The following PLA2G2D variants were observed in gnomAD, a reference collection of about 807,000 sequenced individuals.
The protein encoded by PLA2G2D is group IID secretory phospholipase A2.
PLA2G2D carries 17 observed loss-of-function variants against 13.9 expected under a neutral mutation model. The observed-to-expected ratio is 1.23, with a 90% CI of 0.84 to 1.84. The LOEUF is 1.84. Among genes scored for constraint, PLA2G2D ranks in the 40% most tolerant of loss-of-function variants. PLA2G2D has a pLI of 0.00. For synonymous variants in PLA2G2D, 83 were observed against 69.3 expected (o/e 1.20, Z -0.98); for missense variants, 194 against 178.7 (o/e 1.09, Z -0.49).
At chr1:20,114,633 C>G (rs974379446) in intron 3 of PLA2G2D, among the ~76,000 whole-genome samples, 3 of 151,980 alleles carry the variant, frequency 2.0e-5, no homozygotes, top group African/African-American at 2.4e-5. Context: ...GGTGGAAGAG[C>G]CTTTTGAGCT....
rs770428164 is a variant in PLA2G2D at position 20,116,485 on chromosome 1, G to A, written c.41-8C>T. 3.1e-6 allele frequency: 5 copies of A among 1,614,120 alleles called. No homozygotes were observed. Among genetic ancestry groups the A allele is most frequent in the Non-Finnish European group, 4.2e-6 (5 of 1,179,992 alleles). On this transcript the variant is annotated splice_region_variant and splice_polypyrimidine_tract_variant and intron_variant, in intron 1 of 3. Transcript: ENST00000375105. Reference sequence around the variant, plus strand: ...CCTGGATTGGAATCACACCTGCCAAGCAGCCCAGCAACCAGGAGAGAAGAG... The same window carrying A: ...CCTGGATTGGAATCACACCTGCCAAACAGCCCAGCAACCAGGAGAGAAGAG...
At chr1:20,117,561 A>G (rs1056221974) in intron 1 of PLA2G2D, among the ~76,000 whole-genome samples, 2 of 152,206 alleles carry the variant, frequency 1.3e-5, no homozygotes, top group African/African-American at 2.4e-5. Flanking sequence ...GGAATGCATT[A>G]TGTTGAGTTA....
At chr1:20,117,378 C>CCTTCT (rs1266980025) in intron 1 of PLA2G2D, among the ~76,000 whole-genome samples, 1 of 152,018 alleles carries the variant, frequency 6.6e-6, no homozygotes, top group Non-Finnish European at 1.5e-5. Flanking sequence ...CCCAAGTCAC[C>CCTTCT]CTTCTTACCT....
chr1:20,115,484 T>A, intron 3 of PLA2G2D, 23 bp downstream of exon 3: 1 of 1,356,544 alleles, frequency 7.4e-7, no homozygotes. Context: ...CTCCAGCTCC[T>A]GCCCTGAGGT....
Position 20,113,369 on chromosome 1 carries a change from C to T in PLA2G2D, c.*745G>A, listed in dbSNP as rs1007114311. ...TGACCCTGAGGAGGTGGGGATCAGT[C>T]GTGATGAAAGTAATAGCCATTCAGT... On this transcript the variant is annotated 3_prime_UTR_variant, in exon 4 of 4. Coordinates refer to ENST00000375105, the MANE Select transcript of PLA2G2D (RefSeq NM_012400.4). 6 of 151,992 alleles carry T rather than the reference C, an allele frequency of 3.9e-5. No individual in the cohort carries two copies. Among genetic ancestry groups the T allele is most frequent in the East Asian group, 1.9e-4 (1 of 5,166 alleles). The allele number at this position is 151,992 out of a possible 1,614,324, so 9.4% of individuals were successfully genotyped here.
chr1:20,116,562 G>T, intron 1 of PLA2G2D, 85 bp from the exon 2 acceptor site: 2 of 1,261,278 alleles, frequency 1.6e-6, no homozygotes, highest in Non-Finnish European at 2.3e-6. Context: ...CCTCTGCTCT[G>T]CCCAGACCAA....
In PLA2G2D at chr1:20,114,318, G is replaced by GAGTCT. The variant is rs1370981583; in HGVS notation, c.293-64_293-60dup. On this transcript the variant is annotated intron_variant, in intron 3 of 3. Coordinates refer to ENST00000375105, the MANE Select transcript of PLA2G2D (RefSeq NM_012400.4). The stretch of plus-strand genomic sequence containing the variant: ...CCTTTTCCGAGACAGAGGCAGGTAT[G>GAGTCT]AGTCTAGCAGCCTCTGAAGTCAGTG... 4.6e-6 allele frequency: 7 copies of GAGTCT among 1,536,548 alleles called. No homozygotes were observed. In the African/African-American group the frequency reaches 6.8e-5, roughly 15 times the overall value.
At chr1:20,115,036 C>T (rs2016956382) in intron 3 of PLA2G2D, among the ~76,000 whole-genome samples, 1 of 152,132 alleles carries the variant, frequency 6.6e-6, no homozygotes, top group Admixed American at 6.5e-5. Context: ...CACTTCCCCA[C>T]TCTAGTTTTG....
chr1:20,117,713 G>A (rs2017017714), intron 1 of PLA2G2D, among the ~76,000 whole-genome samples: 1 of 152,100 alleles, frequency 6.6e-6, no homozygotes, highest in African/African-American at 2.4e-5. Flanking sequence ...ATGGAGCCCA[G>A]AGTCTCAGGG....
intron 1 of PLA2G2D, among the ~76,000 whole-genome samples, chr1:20,116,732 C>T (rs958761892): frequency 3.3e-5 from 5 of 152,062 alleles, no homozygotes; most frequent in African/African-American, 9.7e-5. Context: ...GGCATGATCT[C>T]GGGTTTGAGA....
intron 2 of PLA2G2D, 118 bp downstream of exon 2, chr1:20,116,215 A>G (rs1428899894): frequency 1.5e-5 from 16 of 1,064,864 alleles, no homozygotes; most frequent in Middle Eastern, 2.1e-4. Context: ...TATTTAGCAC[A>G]TAGTAGATGC....
At chr1:20,117,805 C>G (rs915855308) in intron 1 of PLA2G2D, among the ~76,000 whole-genome samples, 3 of 152,062 alleles carry the variant, frequency 2.0e-5, no homozygotes, top group Non-Finnish European at 4.4e-5. Flanking sequence ...GTCAATAGTA[C>G]ACAGTGGGTG....
At position 20,116,431 on chromosome 1, in the gene PLA2G2D, G is replaced by A. The variant is rs767778279; in HGVS notation, c.87C>T (p.Val29=). ...TGGGCATTTTCCCAGTCACTTGCTT[G>A]ACCATCTTGTTCAGGTTCAGGATCC... ...QGGILNLNKM[V]KQVTGKMPIL... Residue 29 remains valine, a synonymous_variant, in exon 2 of 4, where the codon GTC becomes GTT. Coordinates refer to ENST00000375105, the MANE Select transcript of PLA2G2D (RefSeq NM_012400.4). 3.7e-6 allele frequency: 6 copies of A among 1,613,986 alleles called. No individual in the cohort carries two copies. The East Asian group carries it at 8.9e-5, about 24-fold the overall frequency.
At position 20,113,981 on chromosome 1, in the gene PLA2G2D, T is replaced by G; in HGVS notation, c.*133A>C. 1 of 711,964 alleles carries G rather than the reference T, an allele frequency of 1.4e-6. No individual in the cohort carries two copies. The highest frequency in any genetic ancestry group is 2.3e-6 in the Non-Finnish European group (1 of 425,600). The allele number at this position is 711,964 out of a possible 1,614,324, so 44.1% of individuals were successfully genotyped here. A position where few individuals can be genotyped will look rare whatever the true frequency, so the allele number is the denominator to read the frequency against. ...AAAGCTTCAGAAGGTCAGAAGGCAT[T>G]GGTAGAGGGTTCCGGGGGAGGCTGG... On this transcript the variant is annotated 3_prime_UTR_variant, in exon 4 of 4. Coordinates refer to ENST00000375105, the MANE Select transcript of PLA2G2D (RefSeq NM_012400.4).
chr1:20,118,343 C>T (rs2017029012), intron 1 of PLA2G2D, among the ~76,000 whole-genome samples: 1 of 152,178 alleles, frequency 6.6e-6, no homozygotes, highest in African/African-American at 2.4e-5. Flanking sequence ...TTCGGGTGGT[C>T]TTACTTGCCA....
chr1:20,116,531 G>A (rs530333684), intron 1 of PLA2G2D, 54 bp from the exon 2 acceptor site: 119 of 1,582,468 alleles, frequency 7.5e-5, no homozygotes, highest in African/African-American at 9.4e-5. Context: ...TCAGGGCAGC[G>A]CCAATGGGCA....
rs1254895103 is a variant in PLA2G2D, at chr1:20,111,990, A to AG, written c.*2123dup. ...TTTATTTTATTTTATTTTTTGAGAC[A>AG]GAGTGTCACTCTGTTGCCCAGGCTG... On this transcript the variant is annotated 3_prime_UTR_variant, in exon 4 of 4. Transcript: ENST00000375105. 9.3e-6 allele frequency: 1 copy of AG among 107,488 alleles called. No individual in the cohort carries two copies. The highest frequency in any genetic ancestry group is 1.9e-5 in the Non-Finnish European group (1 of 51,408). The allele number at this position is 107,488 out of a possible 1,614,324, so 6.7% of individuals were successfully genotyped here.
chr1:20,113,902 G>T lies in PLA2G2D; in HGVS notation c.*212C>A, dbSNP rs2016932489. The stretch of plus-strand genomic sequence containing the variant: ...GCTCCCTTGCTTGGGCTTCTCCCAA[G>T]ATTCCCATCCACCCTCAGAGGACAC... On this transcript the variant is annotated 3_prime_UTR_variant, in exon 4 of 4. Coordinates refer to ENST00000375105, the MANE Select transcript of PLA2G2D (RefSeq NM_012400.4). 2 of 477,526 alleles carry T rather than the reference G, an allele frequency of 4.2e-6. No homozygotes were observed. The highest frequency in any genetic ancestry group is 7.6e-6 in the Non-Finnish European group (2 of 264,720). 29.6% of individuals were successfully genotyped at this position (477,526 alleles called of 1,614,324 possible). A position where few individuals can be genotyped will look rare whatever the true frequency, so the allele number is the denominator to read the frequency against.
At chr1:20,116,591 T>C (rs2016996099) in intron 1 of PLA2G2D, 114 bp from the exon 2 acceptor site, 1 of 901,900 alleles carries the variant, frequency 1.1e-6, no homozygotes. Flanking sequence ...CCTCAGATGA[T>C]GATAATAATA....
Sources: allele counts gnomAD v4.1 joint callset (sites outside exome capture counted in the v4.1 genomes callset), GRCh38; gene constraint gnomAD v4.1.1; transcripts MANE v1.5; gene names NCBI Gene and HGNC (gene_info 2026-07-23, HGNC 2026-07-21).